DAB1: variants seen among roughly 807,000 people sequenced by gnomAD.
DAB1 encodes disabled homolog 1.
Under a neutral mutation model 64.6 loss-of-function variants are expected in DAB1, and 15 were observed. That is an observed-to-expected ratio of 0.23 (90% CI 0.16 to 0.36). The LOEUF is 0.36. Ranked by LOEUF, DAB1 falls within the 10% of genes least tolerant of loss-of-function variation. The pLI, the probability that DAB1 is intolerant of heterozygous loss-of-function variation, is 1.00. For missense variants in DAB1, 596 were observed against 706.7 expected, an observed-to-expected ratio of 0.84 and a Z score of 1.78; for synonymous variants, 235 against 251.9, an observed-to-expected ratio of 0.93 and a Z score of 0.64.
At chr1:57,609,230 C>T (rs183253100) in intron 7 of DAB1, among the ~76,000 whole-genome samples, 6 of 152,174 alleles carry the variant, frequency 3.9e-5, no homozygotes, top group South Asian at 2.1e-4. Context: ...CAACCAACTG[C>T]GGATCAAAAA....
chr1:57,361,788 G>A (rs374506149), intron 1 of DAB1, among the ~76,000 whole-genome samples: 1 of 152,058 alleles, frequency 6.6e-6, no homozygotes, highest in Admixed American at 6.6e-5. Context: ...AGCTGCATCC[G>A]ACCTGCAGAA....
intron 4 of DAB1, among the ~76,000 whole-genome samples, chr1:58,300,642 GAGAGAGGAAGGAAGGA>G (rs1557726295): frequency 3.9e-5 from 2 of 51,704 alleles, no homozygotes; most frequent in African/African-American, 1.4e-4. Context: ...GAGAGAGAGA[GAGAGAGGAAGGAAGGA>G]AGGAAGGAAG....
At chr1:58,345,406 A>T (rs1000344473) in intron 3 of DAB1, among the ~76,000 whole-genome samples, 1 of 152,224 alleles carries the variant, frequency 6.6e-6, no homozygotes. Flanking sequence ...AATGTGCTAC[A>T]TCAAAGTGGA....
chr1:58,057,991 C>T (rs1460715751), intron 5 of DAB1, among the ~76,000 whole-genome samples: 3 of 70,568 alleles, frequency 4.3e-5, no homozygotes, highest in African/African-American at 1.5e-4. Context: ...TTCTGAGTTG[C>T]ACAACACTCT....
chr1:57,361,604 G>A (rs1363339659), intron 1 of DAB1, among the ~76,000 whole-genome samples: 1 of 151,876 alleles, frequency 6.6e-6, no homozygotes, highest in African/African-American at 2.4e-5. Context: ...TTTGGCCACT[G>A]GAATATGAGT....
At chr1:58,436,219 ATGAAG>A (rs1490296714) in intron 3 of DAB1, among the ~76,000 whole-genome samples, 1 of 152,242 alleles carries the variant, frequency 6.6e-6, no homozygotes, top group Non-Finnish European at 1.5e-5. Context: ...CATTGAGGAA[ATGAAG>A]TGGAGTGGCA....
intron 2 of DAB1, among the ~76,000 whole-genome samples, chr1:57,230,696 G>GT (rs1667616109): frequency 2.0e-5 from 3 of 151,994 alleles, no homozygotes; most frequent in Admixed American, 1.3e-4. Context: ...TATATAATGT[G>GT]TAATGATCAA....
chr1:57,333,030 G>A (rs926036603), intron 1 of DAB1, among the ~76,000 whole-genome samples: 28 of 152,150 alleles, frequency 1.8e-4, no homozygotes, highest in African/African-American at 6.8e-4. Flanking sequence ...TAGATCCTAG[G>A]GGTAATGAGA....
chr1:57,791,008 C>T (rs948169874), intron 6 of DAB1, among the ~76,000 whole-genome samples: 119 of 152,266 alleles, frequency 7.8e-4, no homozygotes, highest in African/African-American at 2.8e-3. Context: ...CATTTTTATA[C>T]TATTTAGTCC....
intron 4 of DAB1, among the ~76,000 whole-genome samples, chr1:58,310,564 T>C (rs529822435): frequency 2.6e-5 from 4 of 152,320 alleles, no homozygotes; most frequent in African/African-American, 9.6e-5. Flanking sequence ...ACAAATTGTA[T>C]GCAATGTGTC....
intron 4 of DAB1, among the ~76,000 whole-genome samples, chr1:58,248,926 A>C (rs554601585): frequency 6.6e-6 from 1 of 152,268 alleles, no homozygotes; most frequent in South Asian, 2.1e-4. Context: ...AAGGCACAGT[A>C]AGGAACCTCG....
chr1:57,388,214 CAA>C (rs1223379058), intron 1 of DAB1, among the ~76,000 whole-genome samples: 3 of 152,236 alleles, frequency 2.0e-5, no homozygotes, highest in Non-Finnish European at 4.4e-5. Flanking sequence ...CATCTTTCAA[CAA>C]AGATTTCCTT....
At chr1:57,563,177 G>A (rs1045646591) in intron 7 of DAB1, among the ~76,000 whole-genome samples, 3 of 152,238 alleles carry the variant, frequency 2.0e-5, no homozygotes, top group African/African-American at 4.8e-5. Flanking sequence ...AGAAGAAGGC[G>A]GTCATCAATA....
intron 3 of DAB1, among the ~76,000 whole-genome samples, chr1:58,488,434 G>A (rs1379973717): frequency 6.6e-6 from 1 of 152,164 alleles, no homozygotes; most frequent in Non-Finnish European, 1.5e-5. Context: ...CACTCAAGCA[G>A]TGTACACTGT....
chr1:58,414,303 AG>A (rs1434094662), intron 3 of DAB1, among the ~76,000 whole-genome samples: 1 of 152,212 alleles, frequency 6.6e-6, no homozygotes, highest in African/African-American at 2.4e-5. Flanking sequence ...GAAGCAGCTC[AG>A]GTACCATCAT....
intron 2 of DAB1, among the ~76,000 whole-genome samples, chr1:58,522,414 CTCTT>C (rs1339469386): frequency 6.6e-6 from 1 of 152,020 alleles, no homozygotes; most frequent in African/African-American, 2.4e-5. Context: ...GGAAGAGAAA[CTCTT>C]TCATTTGATA....
chr1:57,638,174 C>T (rs1646081519), intron 7 of DAB1, among the ~76,000 whole-genome samples: 1 of 151,884 alleles, frequency 6.6e-6, no homozygotes, highest in African/African-American at 2.4e-5. Flanking sequence ...CTAAACTCCA[C>T]AGAATATGTT....
At chr1:57,772,473 C>T (rs1403601352) in intron 6 of DAB1, among the ~76,000 whole-genome samples, 1 of 152,134 alleles carries the variant, frequency 6.6e-6, no homozygotes, top group Non-Finnish European at 1.5e-5. Flanking sequence ...GTGAATAAAG[C>T]TGCTGTGAAC....
intron 7 of DAB1, among the ~76,000 whole-genome samples, chr1:57,611,178 G>A (rs79861796): frequency 0.014 from 1,942 of 141,540 alleles, 62 homozygotes; most frequent in African/African-American, 0.05. Flanking sequence ...CCAGTTTCAG[G>A]CCTCCCAAAC....
Sources: allele counts gnomAD v4.1 joint callset (sites outside exome capture counted in the v4.1 genomes callset), GRCh38; gene constraint gnomAD v4.1.1; transcripts MANE v1.5; gene names NCBI Gene and HGNC (gene_info 2026-07-23, HGNC 2026-07-21).